LAMP1: variants seen among roughly 807,000 people sequenced by gnomAD.
LAMP1 encodes lysosome-associated membrane glycoprotein 1.
Under a neutral mutation model 37.5 loss-of-function variants are expected in LAMP1, and 7 were observed. The ratio of observed to expected loss-of-function variants is 0.19; its 90% CI spans 0.11 to 0.35. LAMP1 has a LOEUF of 0.35. LAMP1 is among the 10% of genes least tolerant of loss of function. The pLI is 1.00. For missense variants in LAMP1, 537 were observed against 552.8 expected (o/e 0.97, Z 0.29); for synonymous variants, 236 against 229.1 (o/e 1.03, Z -0.27).
chr13:113,319,454 C>A lies in LAMP1; in HGVS notation c.563-15C>A. The A allele has an allele frequency of 1.9e-6, 3 of 1,591,352 alleles. No individual in the cohort carries two copies. The highest frequency in any genetic ancestry group is 1.7e-6 in the Non-Finnish European group (2 of 1,166,008). ...GAGAAACCCAGACCTGAATCTCCCT[C>A]CACTGCACCTGCAGAGACACGCTGT... On this transcript the variant is annotated splice_polypyrimidine_tract_variant and intron_variant, in intron 4 of 8. Transcript: ENST00000332556.
At chr13:113,303,393 G>T (rs563875348) in intron 1 of LAMP1, among the ~76,000 whole-genome samples, 1 of 152,316 alleles carries the variant, frequency 6.6e-6, no homozygotes, top group African/African-American at 2.4e-5. Context: ...CTGAGTACAG[G>T]ACTGCCGGAG....
chr13:113,302,663 A>G (rs1595457114), intron 1 of LAMP1, among the ~76,000 whole-genome samples: 1 of 151,878 alleles, frequency 6.6e-6, no homozygotes, highest in African/African-American at 2.4e-5. Flanking sequence ...CCTAACCTCA[A>G]GCAGTCCTCC....
At chr13:113,318,315 G>A (rs112889836) in intron 4 of LAMP1, among the ~76,000 whole-genome samples, 160 of 152,328 alleles carry the variant, frequency 1.1e-3, no homozygotes, top group African/African-American at 3.1e-3. Context: ...AGATGGAAGC[G>A]GAAGCAGCAG....
chr13:113,316,296 C>G (rs970424208), intron 4 of LAMP1, among the ~76,000 whole-genome samples: 1 of 152,084 alleles, frequency 6.6e-6, no homozygotes, highest in African/African-American at 2.4e-5. Context: ...AGTGGGGTGT[C>G]TTCGTCTTTT....
intron 4 of LAMP1, among the ~76,000 whole-genome samples, chr13:113,311,429 G>T (rs572726757): frequency 6.6e-6 from 1 of 152,338 alleles, no homozygotes; most frequent in South Asian, 2.1e-4. Flanking sequence ...TGTCAGAAGG[G>T]CAAAGCAGTT....
intron 1 of LAMP1, among the ~76,000 whole-genome samples, chr13:113,301,060 A>C (rs1324366064): frequency 6.6e-6 from 1 of 152,116 alleles, no homozygotes; most frequent in Non-Finnish European, 1.5e-5. Flanking sequence ...CTGCACTGGG[A>C]TTATTTTTGC....
At chr13:113,313,345 A>G (rs1403718992) in intron 4 of LAMP1, among the ~76,000 whole-genome samples, 1 of 152,218 alleles carries the variant, frequency 6.6e-6, no homozygotes, top group African/African-American at 2.4e-5. Flanking sequence ...TATTTTTTAG[A>G]GCAGTCTTAG....
chr13:113,312,428 A>G (rs555887290), intron 4 of LAMP1, among the ~76,000 whole-genome samples: 83 of 152,342 alleles, frequency 5.4e-4, no homozygotes, highest in African/African-American at 1.9e-3. Context: ...TTGTCTTGAC[A>G]GAGAGCCACG....
intron 1 of LAMP1, among the ~76,000 whole-genome samples, chr13:113,303,127 G>A (rs372453134): frequency 3.3e-5 from 5 of 152,198 alleles, no homozygotes; most frequent in Admixed American, 1.3e-4. Context: ...CAGCTGCTCC[G>A]ACAGCCCTGA....
At chr13:113,317,902 C>G (rs1228723610) in intron 4 of LAMP1, among the ~76,000 whole-genome samples, 2 of 152,188 alleles carry the variant, frequency 1.3e-5, no homozygotes, top group Non-Finnish European at 2.9e-5. Flanking sequence ...GTTGCCCAGG[C>G]TGGCCTTGAA....
Position 113,321,519 on chromosome 13 carries a change from G to C in LAMP1, c.944-38G>C, listed in dbSNP as rs2042699762. On this transcript the variant is annotated intron_variant, in intron 7 of 8. Coordinates refer to ENST00000332556, the MANE Select transcript of LAMP1 (RefSeq NM_005561.4). This position sits in a 1 kb window ranked among gnomAD's most constrained non-coding sequence, Gnocchi z 5.6. The stretch of plus-strand genomic sequence containing the variant: ...GCCCCGCCCCCGCCCGCGCGCCCAG[G>C]GTATTCTGGAGCCACTAGACCTCTG... 3 of 1,612,528 alleles carry C rather than the reference G, an allele frequency of 1.9e-6. No homozygotes were observed. Among genetic ancestry groups the C allele is most frequent in the African/African-American group, 1.3e-5 (1 of 74,768 alleles).
intron 8 of LAMP1, 21 bp from the exon 9 acceptor site, chr13:113,322,261 A>G (rs2042705657): frequency 6.2e-7 from 1 of 1,601,488 alleles, no homozygotes; most frequent in Non-Finnish European, 8.5e-7. Context: ...GAGCCCTGAC[A>G]CCATCCGTCT....
At chr13:113,314,235 T>C (rs867944194) in intron 4 of LAMP1, among the ~76,000 whole-genome samples, 4 of 116,406 alleles carry the variant, frequency 3.4e-5, no homozygotes, top group Admixed American at 8.5e-5. Flanking sequence ...AGGGAACCAG[T>C]GCGGAGATGT....
At position 113,321,513 on chromosome 13, in the gene LAMP1, G is replaced by A. The variant is rs9604066; in HGVS notation, c.943+43G>A. The A allele has an allele frequency of 7.9e-5, 128 of 1,612,920 alleles. 1 individual carries two copies. In the East Asian group the frequency reaches 1.8e-3, roughly 23 times the overall value. On this transcript the variant is annotated intron_variant, in intron 7 of 8. Coordinates refer to ENST00000332556, the MANE Select transcript of LAMP1 (RefSeq NM_005561.4). This position sits in a 1 kb window ranked among gnomAD's most constrained non-coding sequence, Gnocchi z 5.6. Reference sequence around the variant, plus strand: ...CTGCGAGCCCCGCCCCCGCCCGCGCGCCCAGGGTATTCTGGAGCCACTAGA... The same window carrying A: ...CTGCGAGCCCCGCCCCCGCCCGCGCACCCAGGGTATTCTGGAGCCACTAGA...
chr13:113,313,439 A>T (rs1020288330), intron 4 of LAMP1, among the ~76,000 whole-genome samples: 6 of 152,218 alleles, frequency 3.9e-5, no homozygotes, highest in African/African-American at 1.4e-4. Flanking sequence ...TTTAATGGAG[A>T]ACACGCATGT....
At chr13:113,301,448 C>T (rs2042570570) in intron 1 of LAMP1, among the ~76,000 whole-genome samples, 1 of 151,630 alleles carries the variant, frequency 6.6e-6, no homozygotes, top group African/African-American at 2.4e-5. Flanking sequence ...TGGTGAAATC[C>T]CATCTCTACT....
Position 113,321,526 on chromosome 13 carries a change from T to A in LAMP1, c.944-31T>A. ...CCCCGCCCGCGCGCCCAGGGTATTC[T>A]GGAGCCACTAGACCTCTGTGTGTGT... On this transcript the variant is annotated intron_variant, in intron 7 of 8. Transcript: ENST00000332556. The surrounding 1 kb of genome is among the most constrained non-coding windows in gnomAD (Gnocchi z 5.6). 6.2e-7 allele frequency: 1 copy of A among 1,613,404 alleles called. No individual in the cohort carries two copies. The highest frequency in any genetic ancestry group is 8.5e-7 in the Non-Finnish European group (1 of 1,179,956).
In LAMP1 at chr13:113,319,336, G is replaced by C. The variant is rs181489822; in HGVS notation, c.563-133G>C. 2,260 of 793,716 alleles carry C rather than the reference G, an allele frequency of 2.8e-3. 14 individuals are homozygous for C. The highest frequency in any genetic ancestry group is 2.9e-3 in the Non-Finnish European group (1,475 of 510,046). The allele number at this position is 793,716 out of a possible 1,614,324, so 49.2% of individuals were successfully genotyped here. ...GAAAGGCATTAGCGAGAGCCACCTT[G>C]GGAGACTGAGAAAATAGTCACCAAG... On this transcript the variant is annotated intron_variant, in intron 4 of 8. Transcript: ENST00000332556.
At position 113,316,717 on chromosome 13, in the gene LAMP1, A is replaced by G. The variant is rs542620324; in HGVS notation, c.563-2752A>G. On this transcript the variant is annotated intron_variant, in intron 4 of 8. Coordinates refer to ENST00000332556, the MANE Select transcript of LAMP1 (RefSeq NM_005561.4). ...ATTACAGGCGTGAGCCACCGTGCCCAGCTGCAGCATTTTTTTTTCATTCCT... is the reference window on the plus strand; with the variant it reads ...ATTACAGGCGTGAGCCACCGTGCCCGGCTGCAGCATTTTTTTTTCATTCCT... 3.3e-5 allele frequency among the ~76,000 whole-genome samples: 5 copies of G among 152,008 alleles called. No individual in the cohort carries two copies. In the South Asian group the frequency reaches 1.0e-3, roughly 32 times the overall value.
Sources: gnomAD v4.1 joint callset for allele counts (sites outside exome capture counted in the v4.1 genomes callset) on GRCh38, gnomAD v4.1.1 for gene constraint, Gnocchi (gnomAD v3.1) non-coding constraint, MANE v1.5 for transcripts, NCBI Gene and HGNC (gene_info 2026-07-23, HGNC 2026-07-21) for gene names.